Variants in SPRR1A observed in about 807,000 individuals in gnomAD.
The protein encoded by SPRR1A is small proline rich protein 1A.
For missense variants in SPRR1A, 123 were observed against 105.4 expected (o/e 1.17, Z -0.73); for synonymous variants, 40 against 39.2 (o/e 1.02, Z -0.07).
At chr1:152,985,580 T>G (rs773094853), downstream of SPRR1A, 64 of 1,532,570 alleles carry the variant, frequency 4.2e-5, no homozygotes, top group Non-Finnish European at 5.4e-5. Context: ...GAATCCCATT[T>G]GCCTATTGAC....
upstream of SPRR1A, chr1:152,985,154 A>G: frequency 6.6e-7 from 1 of 1,524,886 alleles, no homozygotes; most frequent in Non-Finnish European, 8.8e-7. Context: ...TCTGTTTGGC[A>G]TTGAATTTGT....
At chr1:152,985,650 T>C, downstream of SPRR1A, 1 of 1,376,224 alleles carries the variant, frequency 7.3e-7, no homozygotes, top group Non-Finnish European at 9.7e-7. Flanking sequence ...TCTAAAAAGA[T>C]GTCCCTTACC....
downstream of SPRR1A, chr1:152,985,556 T>A: frequency 6.5e-7 from 1 of 1,549,294 alleles, no homozygotes; most frequent in Non-Finnish European, 8.7e-7. Flanking sequence ...AACACCCTAC[T>A]CCATTCTGCT....
chr1:152,985,245 G>T, exon 1 of SPRR1A: 1 of 1,608,944 alleles, frequency 6.2e-7, no homozygotes, highest in Non-Finnish European at 8.5e-7. Context: ...ATTCTCAGCA[G>T]CAGAAGCAGC....
chr1:152,985,627 G>A (rs905028553), downstream of SPRR1A: 39 of 1,454,726 alleles, frequency 2.7e-5, no homozygotes, highest in East Asian at 1.9e-4. Context: ...AATCATAATC[G>A]CTCCTTTGCA....
chr1:152,985,537 T>C (rs748256212), downstream of SPRR1A: 3 of 1,587,034 alleles, frequency 1.9e-6, no homozygotes, highest in Admixed American at 5.3e-5. Context: ...AGCTGGCCAC[T>C]GGATACTGAA....
At chr1:152,985,812 C>G (rs1326445274), downstream of SPRR1A, among the ~76,000 whole-genome samples, 4 of 152,174 alleles carry the variant, frequency 2.6e-5, no homozygotes, top group Non-Finnish European at 5.9e-5. Flanking sequence ...ACTTTTAACT[C>G]CACATCTGGC....
downstream of SPRR1A, chr1:152,985,588 G>T (rs2101560984): frequency 6.6e-7 from 1 of 1,524,772 alleles, no homozygotes; most frequent in South Asian, 1.3e-5. Context: ...TTTGCCTATT[G>T]ACCCTGCAGT....
At chr1:152,985,701 C>G (rs542779539), downstream of SPRR1A, among the ~76,000 whole-genome samples, 1 of 152,180 alleles carries the variant, frequency 6.6e-6, no homozygotes, top group South Asian at 2.1e-4. Flanking sequence ...TAAGGCTGAA[C>G]GTCTCACTGA....
At chr1:152,985,594 G>A, downstream of SPRR1A, 1 of 1,518,824 alleles carries the variant, frequency 6.6e-7, no homozygotes, top group South Asian at 1.3e-5. Flanking sequence ...TATTGACCCT[G>A]CAGTTAGCAT....
At chr1:152,985,522 T>C, downstream of SPRR1A, 1 of 1,599,304 alleles carries the variant, frequency 6.3e-7, no homozygotes, top group Non-Finnish European at 8.5e-7. Flanking sequence ...GCCATGCCCT[T>C]GAGGAGCTGG....
chr1:152,985,380 C>A (rs143282605), exon 1 of SPRR1A: 1 of 1,567,204 alleles, frequency 6.4e-7, no homozygotes, highest in African/African-American at 1.5e-5. Context: ...AGCCCTGCCA[C>A]CCCAAAGTGC....
At chr1:152,985,500 A>T (rs1483225300) in exon 1 of SPRR1A, 28 of 1,611,968 alleles carry the variant, frequency 1.7e-5, no homozygotes, top group Non-Finnish European at 2.2e-5. Context: ...AGCAGAAGTA[A>T]TGTGGTCCAC....
chr1:152,985,115 T>A (rs1465572940), upstream of SPRR1A: 7 of 1,415,202 alleles, frequency 4.9e-6, no homozygotes, highest in Non-Finnish European at 6.7e-6. Context: ...GATGAAAGGC[T>A]TTCTCTTCTA....
upstream of SPRR1A, among the ~76,000 whole-genome samples, chr1:152,984,445 A>T (rs1268315858): frequency 1.3e-5 from 2 of 152,082 alleles, no homozygotes; most frequent in Non-Finnish European, 1.5e-5. Flanking sequence ...CCCTGACAAG[A>T]TATTTATAGA....
At chr1:152,985,500 A>G in exon 1 of SPRR1A, 2 of 1,612,086 alleles carry the variant, frequency 1.2e-6, no homozygotes, top group Non-Finnish European at 1.7e-6. Context: ...AGCAGAAGTA[A>G]TGTGGTCCAC....
upstream of SPRR1A, among the ~76,000 whole-genome samples, chr1:152,984,829 A>G (rs980542140): frequency 2.0e-5 from 3 of 152,280 alleles, no homozygotes; most frequent in South Asian, 2.1e-4. Context: ...AAGCCATCCT[A>G]TAAGTCACAG....
exon 1 of SPRR1A, chr1:152,985,271 C>T (rs1419218678): frequency 6.2e-7 from 1 of 1,613,772 alleles, no homozygotes; most frequent in Non-Finnish European, 8.5e-7. Flanking sequence ...ACCCCACCCC[C>T]TCAGCCTCAG....
downstream of SPRR1A, chr1:152,985,636 C>T (rs1291627505): frequency 5.6e-6 from 8 of 1,426,164 alleles, no homozygotes; most frequent in Non-Finnish European, 5.6e-6. Flanking sequence ...CGCTCCTTTG[C>T]ACCTCTAAAA....
Sources: gnomAD v4.1 joint callset for allele counts (sites outside exome capture counted in the v4.1 genomes callset) on GRCh38, gnomAD v4.1.1 for gene constraint, MANE v1.5 for transcripts, NCBI Gene and HGNC (gene_info 2026-07-23, HGNC 2026-07-21) for gene names.